MYO7A: variants seen among roughly 807,000 people sequenced by gnomAD.
MYO7A encodes the protein myosin VIIA.
In MYO7A, 210 loss-of-function variants were observed where a neutral mutation model predicts 263.8. That is an observed-to-expected ratio of 0.80 (90% CI 0.71 to 0.89). The LOEUF is 0.89. MYO7A is among the 40% of genes least tolerant of loss of function. MYO7A has a pLI of 0.00. For synonymous variants in MYO7A, 1,239 were observed against 1,197.3 expected, an observed-to-expected ratio of 1.03 and a Z score of -0.72; for missense variants, 2,820 against 2,968.3, an observed-to-expected ratio of 0.95 and a Z score of 1.16.
At chr11:77,142,073 C>A (rs562354023) in intron 2 of MYO7A, among the ~76,000 whole-genome samples, 2 of 152,212 alleles carry the variant, frequency 1.3e-5, no homozygotes, top group African/African-American at 4.8e-5. Flanking sequence ...TGGGATTTTA[C>A]GTTTGGCTCT....
At chr11:77,211,116 T>G in intron 44 of MYO7A, 36 bp from the exon 45 acceptor site, 1 of 1,509,532 alleles carries the variant, frequency 6.6e-7, no homozygotes, top group Non-Finnish European at 8.9e-7. Flanking sequence ...TTCTGCCAGG[T>G]CCCTGCACGC....
intron 48 of MYO7A, 63 bp from the exon 49 acceptor site, chr11:77,214,544 A>G (rs919950548): frequency 3.3e-6 from 4 of 1,226,532 alleles, no homozygotes; most frequent in South Asian, 2.6e-5. Context: ...GAGCTGTGCT[A>G]TGGTCTGAGT....
Position 77,190,029 on chromosome 11 carries a change from A to T in MYO7A, c.3640A>T (p.Asn1214Tyr). 6 of 1,552,312 alleles carry T rather than the reference A, an allele frequency of 3.9e-6. No homozygotes were observed. Among genetic ancestry groups the T allele is most frequent in the Middle Eastern group, 1.9e-4 (1 of 5,142 alleles). ...PSEKFVKYLRNFIHGGPPGYA... is the reference protein window; with the variant it reads ...PSEKFVKYLRYFIHGGPPGYA... ...GGTACTCTGGCTGCAGTACCTGCGG[A>T]ACTTCATCCACGGGGGCCCGCCCGG... Residue 1214 changes from asparagine (N) to tyrosine (Y), a missense_variant, in exon 29 of 49, where the codon AAC becomes TAC. Transcript: ENST00000409709.
chr11:77,161,191 G>A (rs1419066441), intron 12 of MYO7A, 76 bp downstream of exon 12: 27 of 1,573,210 alleles, frequency 1.7e-5, no homozygotes, highest in Non-Finnish European at 1.9e-5. Flanking sequence ...TCTCCCTTGC[G>A]AAGCACATTT....
intron 29 of MYO7A, 146 bp downstream of exon 29, chr11:77,190,285 C>T: frequency 1.1e-6 from 1 of 895,970 alleles, no homozygotes; most frequent in Non-Finnish European, 1.6e-6. Context: ...CCCTCAAGTT[C>T]TGGAACCCCA....
intron 3 of MYO7A, among the ~76,000 whole-genome samples, chr11:77,146,000 T>C (rs1441224921): frequency 6.6e-6 from 1 of 152,194 alleles, no homozygotes; most frequent in African/African-American, 2.4e-5. Flanking sequence ...TGCCACATCA[T>C]TTGTGCCCGG....
intron 35 of MYO7A, among the ~76,000 whole-genome samples, chr11:77,201,072 G>A (rs543053487): frequency 1.3e-5 from 2 of 152,228 alleles, no homozygotes; most frequent in Non-Finnish European, 2.9e-5. Context: ...AGAGCACAGG[G>A]GGCAGAGAGC....
chr11:77,131,625 C>T (rs1254794105), intron 2 of MYO7A, among the ~76,000 whole-genome samples: 1 of 152,150 alleles, frequency 6.6e-6, no homozygotes, highest in East Asian at 1.9e-4. Context: ...GCCCCCATAG[C>T]CCTCCAGGGG....
At chr11:77,153,498 C>T (rs1487290673) in intron 4 of MYO7A, among the ~76,000 whole-genome samples, 3 of 152,126 alleles carry the variant, frequency 2.0e-5, no homozygotes, top group Non-Finnish European at 4.4e-5. Flanking sequence ...GGGAGAAAGC[C>T]TGGCCCCAGC....
At chr11:77,190,656 G>A in intron 29 of MYO7A, 41 bp from the exon 30 acceptor site, 1 of 1,552,970 alleles carries the variant, frequency 6.4e-7, no homozygotes, top group South Asian at 1.2e-5. Context: ...AGGCAGGTCT[G>A]AAGGGAAGGG....
rs1388606286 is a variant in MYO7A at position 77,190,759 on chromosome 11, C to G, written c.3813C>G (p.Thr1271=). The G allele has an allele frequency of 3.1e-6, 5 of 1,600,168 alleles. No homozygotes were observed. In the South Asian group the frequency reaches 5.7e-5, roughly 18 times the overall value. The change falls in exon 30 of 49, where the codon ACC becomes ACG. Residue 1271 remains threonine, a synonymous_variant. Transcript: ENST00000409709. ...CATTCATGGATGGGACCACCAAGAC[C>G]CTGCTGACGGACTCGGCAACCACGG... The part of the protein sequence containing the change: ...PVTFMDGTTK[T]LLTDSATTAK...
chr11:77,182,375 T>C, intron 24 of MYO7A, 49 bp from the exon 25 acceptor site: 1 of 1,543,660 alleles, frequency 6.5e-7, no homozygotes, highest in South Asian at 1.2e-5. Context: ...TTTTGACAGC[T>C]TTAGCAATGT....
rs1555085094 is a variant in MYO7A, at chr11:77,182,109, A to C, written c.3063A>C (p.Pro1021=). Residue 1021 remains proline (P), a synonymous_variant, in exon 24 of 49, where the codon CCA becomes CCC. Transcript: ENST00000409709. ...GTTTHSYTRR[P]LKQPLLYHDD... The stretch of plus-strand genomic sequence containing the variant: ...CCACGCACTCCTACACCCGGCGGCC[A>C]CTCAAACAGCCACTGCTCTACCATG... The C allele has an allele frequency of 2.5e-6, 4 of 1,613,286 alleles. No individual in the cohort carries two copies. Among genetic ancestry groups the C allele is most frequent in the Non-Finnish European group, 3.4e-6 (4 of 1,179,840 alleles).
chr11:77,172,072 G>A (rs1555076362), intron 15 of MYO7A, among the ~76,000 whole-genome samples: 1 of 152,242 alleles, frequency 6.6e-6, no homozygotes. Context: ...TGCCGGCTAA[G>A]CCTGGGAGGG....
intron 32 of MYO7A, among the ~76,000 whole-genome samples, chr11:77,195,692 C>T (rs192387949): frequency 1.4e-3 from 216 of 152,354 alleles, no homozygotes; most frequent in Non-Finnish European, 1.8e-3. Flanking sequence ...ACTGGAGCTC[C>T]TCAGAGTGTC....
In MYO7A at chr11:77,210,338, A is replaced by T. The variant is rs555981703; in HGVS notation, c.6052-814A>T. On this transcript the variant is annotated intron_variant, in intron 44 of 48. Transcript: ENST00000409709. Reference sequence around the variant, plus strand: ...GCTCAATGAACATAGAGATGGGAGGATGAATGCTGAGTGAATTGATGGGTG... The same window carrying T: ...GCTCAATGAACATAGAGATGGGAGGTTGAATGCTGAGTGAATTGATGGGTG... 7.9e-5 allele frequency among the ~76,000 whole-genome samples: 12 copies of T among 152,206 alleles called. No individual in the cohort carries two copies. In the East Asian group the frequency reaches 2.3e-3, roughly 29 times the overall value.
In MYO7A at chr11:77,208,716, C is replaced by G. The variant is rs1957642451; in HGVS notation, c.5964C>G (p.Thr1988=). The G allele has an allele frequency of 1.3e-6, 2 of 1,586,188 alleles. No individual in the cohort carries two copies. Among genetic ancestry groups the G allele is most frequent in the African/African-American group, 2.7e-5 (2 of 74,256 alleles). ...PIKDGIVPSL[T]YQVFFMKKLW... is the part of the protein sequence containing the mutation. The stretch of plus-strand genomic sequence containing the variant: ...CTGCAGGAATTGTGCCCTCACTCAC[C>G]TACCAGGTGTTCTTCATGAAGAAGC... Residue 1988 remains threonine, a synonymous_variant, in exon 44 of 49, where the codon ACC becomes ACG. Transcript: ENST00000409709.
In MYO7A at chr11:77,161,000, A is replaced by G; in HGVS notation, c.1228A>G (p.Ile410Val). Residue 410 changes from isoleucine (I) to valine (V), a missense_variant, in exon 12 of 49, where the codon ATT (isoleucine) becomes GTT (valine). Transcript: ENST00000409709. ...KGIYGRLFVW[I>V]VDKINAAIYK... ...GATCTACGGGCGGCTGTTCGTGTGG[A>G]TTGTGGACAAGATCAACGCAGCAAT... 1 of 1,611,362 alleles carries G rather than the reference A, an allele frequency of 6.2e-7. No individual in the cohort carries two copies. The highest frequency in any genetic ancestry group is 1.3e-5 in the African/African-American group (1 of 74,916).
intron 46 of MYO7A, 156 bp downstream of exon 46, chr11:77,212,093 C>T: frequency 4.2e-6 from 3 of 722,770 alleles, no homozygotes; most frequent in South Asian, 3.0e-5. Context: ...CCCAGCTTAG[C>T]GTCTTAGCTG....
Sources: allele counts gnomAD v4.1 joint callset (sites outside exome capture counted in the v4.1 genomes callset), GRCh38; gene constraint gnomAD v4.1.1; transcripts MANE v1.5; gene names NCBI Gene and HGNC (gene_info 2026-07-23, HGNC 2026-07-21).